AFG2A: variants seen among roughly 807,000 people sequenced by gnomAD.
The protein encoded by AFG2A is ATPase family gene 2 protein homolog A.
the AFG2A span, among the ~76,000 whole-genome samples, chr4:122,967,786 A>G: frequency 6.6e-6 from 1 of 152,096 alleles, no homozygotes; most frequent in African/African-American, 2.4e-5. Flanking sequence ...TATAGGTGTG[A>G]GTCACTGCAT....
the AFG2A span, among the ~76,000 whole-genome samples, chr4:123,247,712 G>A: frequency 6.6e-6 from 1 of 152,144 alleles, no homozygotes; most frequent in Non-Finnish European, 1.5e-5. Flanking sequence ...ACAGTTGTGT[G>A]TGTGCCACTG....
the AFG2A span, among the ~76,000 whole-genome samples, chr4:123,283,382 T>G: frequency 7.1e-6 from 1 of 141,482 alleles, no homozygotes; most frequent in Non-Finnish European, 1.6e-5. Context: ...GAGAGAGAGA[T>G]GTTTGTCTTT....
chr4:123,307,949 C>G, the AFG2A span, among the ~76,000 whole-genome samples: 1 of 152,202 alleles, frequency 6.6e-6, no homozygotes, highest in African/African-American at 2.4e-5. Context: ...GACAGTCTGT[C>G]TACACAACAG....
the AFG2A span, among the ~76,000 whole-genome samples, chr4:123,013,606 G>C: frequency 6.6e-6 from 1 of 152,104 alleles, no homozygotes; most frequent in Admixed American, 6.5e-5. Context: ...GGGTTGGGGG[G>C]CAAGGGAAGG....
At chr4:123,080,878 T>G in the AFG2A span, among the ~76,000 whole-genome samples, 1 of 152,182 alleles carries the variant, frequency 6.6e-6, no homozygotes, top group African/African-American at 2.4e-5. Context: ...CCTGGATCGC[T>G]CCAACATTTT....
At chr4:123,012,990 G>A in the AFG2A span, among the ~76,000 whole-genome samples, 2 of 152,186 alleles carry the variant, frequency 1.3e-5, no homozygotes, top group Non-Finnish European at 2.9e-5. Context: ...AACAGGCTTT[G>A]TGTGAGCAAC....
At chr4:123,090,007 A>C in the AFG2A span, among the ~76,000 whole-genome samples, 3,235 of 152,306 alleles carry the variant, frequency 0.021, 63 homozygotes, top group Non-Finnish European at 0.035. Context: ...AGGAAAAAAA[A>C]CTAGCCTGCT....
the AFG2A span, among the ~76,000 whole-genome samples, chr4:123,227,133 C>G: frequency 6.6e-6 from 1 of 152,006 alleles, no homozygotes; most frequent in Non-Finnish European, 1.5e-5. Flanking sequence ...AGCGGTCTAT[C>G]AATTTTGTTG....
At chr4:123,297,125 CA>C in the AFG2A span, among the ~76,000 whole-genome samples, 1 of 152,096 alleles carries the variant, frequency 6.6e-6, no homozygotes. Flanking sequence ...CTCCCCTACC[CA>C]CAAAAAAAGT....
At chr4:122,959,366 AT>A in the AFG2A span, among the ~76,000 whole-genome samples, 2 of 152,256 alleles carry the variant, frequency 1.3e-5, no homozygotes, top group Non-Finnish European at 2.9e-5. Context: ...ATGGTTCCGA[AT>A]AAAACTTTAA....
At chr4:122,986,740 G>T in the AFG2A span, among the ~76,000 whole-genome samples, 1 of 152,048 alleles carries the variant, frequency 6.6e-6, no homozygotes, top group Admixed American at 6.6e-5. Flanking sequence ...CCAATAACTT[G>T]TGGAAAAATT....
At chr4:123,134,890 A>G in the AFG2A span, among the ~76,000 whole-genome samples, 3 of 152,094 alleles carry the variant, frequency 2.0e-5, no homozygotes, top group African/African-American at 7.2e-5. Flanking sequence ...AGAGGAGGGA[A>G]TACCTCCAGA....
the AFG2A span, among the ~76,000 whole-genome samples, chr4:123,249,952 C>A: frequency 6.6e-6 from 1 of 152,088 alleles, no homozygotes; most frequent in Non-Finnish European, 1.5e-5. Context: ...GTTTCTGGAA[C>A]TATTCTCTCC....
At chr4:123,233,719 A>ATG in the AFG2A span, among the ~76,000 whole-genome samples, 8,618 of 149,100 alleles carry the variant, frequency 0.058, 360 homozygotes, top group African/African-American at 0.12. Context: ...ACATGGGTGT[A>ATG]TGTGTGTGTG....
the AFG2A span, among the ~76,000 whole-genome samples, chr4:123,186,841 C>T: frequency 1.3e-5 from 2 of 152,038 alleles, no homozygotes; most frequent in African/African-American, 4.8e-5. Flanking sequence ...TATTCATTGG[C>T]CATTCAAAGT....
chr4:123,185,482 C>T, the AFG2A span, among the ~76,000 whole-genome samples: 1 of 152,084 alleles, frequency 6.6e-6, no homozygotes, highest in African/African-American at 2.4e-5. Flanking sequence ...TACCACCTTA[C>T]ACTAAATAGG....
chr4:122,998,852 G>C, the AFG2A span, among the ~76,000 whole-genome samples: 13 of 152,202 alleles, frequency 8.5e-5, no homozygotes, highest in African/African-American at 2.4e-4. Flanking sequence ...GGGTCAAATG[G>C]TATTTCTAGT....
At chr4:123,115,899 ATTT>A in the AFG2A span, among the ~76,000 whole-genome samples, 1 of 152,340 alleles carries the variant, frequency 6.6e-6, no homozygotes, top group East Asian at 1.9e-4. Context: ...TTTTGGGGAC[ATTT>A]TTTAAAAAAT....
chr4:123,148,437 A>G, the AFG2A span, among the ~76,000 whole-genome samples: 1 of 152,322 alleles, frequency 6.6e-6, no homozygotes, highest in East Asian at 1.9e-4. Flanking sequence ...TCAGCTGGAA[A>G]GGTGAAAGAA....
Sources: gnomAD v4.1 joint callset for allele counts (sites outside exome capture counted in the v4.1 genomes callset) on GRCh38, gnomAD v4.1.1 for gene constraint, MANE v1.5 for transcripts, NCBI Gene and HGNC (gene_info 2026-07-23, HGNC 2026-07-21) for gene names.